GLYAT: variants seen among roughly 807,000 people sequenced by gnomAD.
The protein encoded by GLYAT is glycine N-acyltransferase.
A neutral mutation model predicts 22.8 loss-of-function variants in GLYAT; 25 were observed. That is an observed-to-expected ratio of 1.09 (90% CI 0.80 to 1.53). The LOEUF (loss-of-function observed/expected upper bound fraction) is 1.53, where lower values mean the gene tolerates loss of function less well. GLYAT is among the 40% of genes most tolerant of loss of function. The probability of loss-of-function intolerance (pLI) is 0.00; values close to 1 mark genes in which losing one functional copy is unlikely to be tolerated. For synonymous variants in GLYAT, 140 were observed against 122.7 expected, an observed-to-expected ratio of 1.14 and a Z score of -0.93; for missense variants, 411 against 353.9, an observed-to-expected ratio of 1.16 and a Z score of -1.29.
In GLYAT at chr11:58,712,852, G is replaced by T. The variant is rs748537805; in HGVS notation, c.224C>A (p.Thr75Asn). 1.2e-6 allele frequency: 2 copies of T among 1,606,634 alleles called. No individual in the cohort carries two copies. Among genetic ancestry groups the T allele is most frequent in the South Asian group, 2.2e-5 (2 of 90,944 alleles). The change falls in exon 4 of 6, where the codon ACT becomes AAT. Residue 75 changes from threonine (T) to asparagine (N), a missense_variant. By Grantham distance (65) the Thr-to-Asn change is moderately conservative. Transcript: ENST00000344743. Reference sequence around the variant, plus strand: ...GGGATCTTTGGAGTAGATTTGGTAAGTATTGGTATAGTGATCAAGGTCATC... The same window carrying T: ...GGGATCTTTGGAGTAGATTTGGTAATTATTGGTATAGTGATCAAGGTCATC... ...MTDDLDHYTN[T>N]YQIYSKDPQN...
chr11:58,709,607 C>A lies in GLYAT; in HGVS notation c.*159G>T, dbSNP rs1856583489. On this transcript the variant is annotated 3_prime_UTR_variant, in exon 6 of 6. Transcript: ENST00000344743. ...CTGAGAAACCTGTGAATGCAGGGAC[C>A]ATGGCGATGCTGTTGAACATCACAC... 1 of 701,362 alleles carries A rather than the reference C, an allele frequency of 1.4e-6. No individual in the cohort carries two copies. The highest frequency in any genetic ancestry group is 2.3e-6 in the Non-Finnish European group (1 of 434,860). The allele number at this position is 701,362 out of a possible 1,614,324, so 43.4% of individuals were successfully genotyped here.
chr11:58,719,882 C>T (rs762523482), intron 2 of GLYAT, among the ~76,000 whole-genome samples: 4 of 151,824 alleles, frequency 2.6e-5, no homozygotes, highest in African/African-American at 9.7e-5. Flanking sequence ...ATCATATAAA[C>T]TTTTTAAATA....
At chr11:58,723,588 G>A (rs1856778588) in intron 2 of GLYAT, among the ~76,000 whole-genome samples, 1 of 152,008 alleles carries the variant, frequency 6.6e-6, no homozygotes, top group South Asian at 2.1e-4. Flanking sequence ...ATATAGGAAT[G>A]TCTTCTAAAA....
At chr11:58,731,082 G>C (rs1856866900) in intron 1 of GLYAT, among the ~76,000 whole-genome samples, 1 of 152,132 alleles carries the variant, frequency 6.6e-6, no homozygotes, top group South Asian at 2.1e-4. Flanking sequence ...TACTGTTGTA[G>C]ATTAAATCTT....
At position 58,717,343 on chromosome 11, in the gene GLYAT, AAAC is replaced by A. The variant is rs543472105; in HGVS notation, c.82-1923_82-1921del. Among the ~76,000 whole-genome samples, 467 of 152,192 alleles carry A rather than the reference AAAC, an allele frequency of 3.1e-3. 5 individuals are homozygous for A. The highest frequency in any genetic ancestry group is 0.011 in the African/African-American group (444 of 41,564). ...GAGAAAATAGGGTGAAAGGGAGAAA[AAAC>A]AACAACAAACAAAAGAACAATCCTG... On this transcript the variant is annotated intron_variant, in intron 2 of 5. Coordinates refer to ENST00000344743, the MANE Select transcript of GLYAT (RefSeq NM_201648.3).
chr11:58,730,185 C>A (rs964410854), intron 1 of GLYAT, among the ~76,000 whole-genome samples: 7 of 152,094 alleles, frequency 4.6e-5, no homozygotes, highest in Admixed American at 4.6e-4. Context: ...AAGAAGAAAA[C>A]AACTCTAGGC....
rs148038594 is a variant in GLYAT, at chr11:58,717,152, G to GCC, written c.82-1731_82-1730dup. On this transcript the variant is annotated intron_variant, in intron 2 of 5. Coordinates refer to ENST00000344743, the MANE Select transcript of GLYAT (RefSeq NM_201648.3). The stretch of plus-strand genomic sequence containing the variant: ...GGCCCAAGATATTTTCCTTTTATAT[G>GCC]CCCCCCATCCTTTTTGTAAAATCTT... Among the ~76,000 whole-genome samples the GCC allele has an allele frequency of 2.1e-3, 316 of 151,810 alleles. 11 individuals carry two copies. The East Asian group carries it at 0.036, about 17-fold the overall frequency.
intron 2 of GLYAT, among the ~76,000 whole-genome samples, chr11:58,721,447 A>C (rs1165098947): frequency 6.6e-6 from 1 of 152,052 alleles, no homozygotes; most frequent in African/African-American, 2.4e-5. Context: ...AGGTGAAAAC[A>C]GAATTCAGTC....
intron 2 of GLYAT, among the ~76,000 whole-genome samples, chr11:58,719,426 G>A (rs1856722495): frequency 6.6e-6 from 1 of 151,956 alleles, no homozygotes; most frequent in Non-Finnish European, 1.5e-5. Context: ...AATGCTTCAA[G>A]AGAGCCTTGT....
intron 1 of GLYAT, chr11:58,728,875 A>G (rs961304200): frequency 6.9e-5 from 8 of 116,330 alleles, no homozygotes; most frequent in African/African-American, 2.1e-4. Flanking sequence ...AGAAAGAAAG[A>G]AAGAAAGAAA....
At chr11:58,718,599 C>T (rs142099213) in intron 2 of GLYAT, among the ~76,000 whole-genome samples, 8 of 151,972 alleles carry the variant, frequency 5.3e-5, no homozygotes, top group Non-Finnish European at 1.2e-4. Context: ...AGGACCAACA[C>T]AAGGCAACAA....
At chr11:58,728,374 A>G (rs898557059) in intron 1 of GLYAT, among the ~76,000 whole-genome samples, 18 of 151,922 alleles carry the variant, frequency 1.2e-4, no homozygotes, top group African/African-American at 4.3e-4. Flanking sequence ...GCTTTTTAAA[A>G]AACTTTCACT....
Position 58,709,799 on chromosome 11 carries a change from T to G in GLYAT, c.858A>C (p.Arg286Ser), listed in dbSNP as rs1384298781. 3 of 1,613,288 alleles carry G rather than the reference T, an allele frequency of 1.9e-6. No homozygotes were observed. In the Admixed American group the frequency reaches 5.0e-5, roughly 27 times the overall value. The change falls in exon 6 of 6, where the codon AGA becomes AGC. Residue 286 changes from arginine to serine, a missense_variant. Transcript: ENST00000344743. ...GTACACAGTTCCACTGGTTCCAGCT[T>G]CTGGGAATGGGAACATGTTGCAGTG... is the stretch of plus-strand genomic sequence containing the variant. ...SYTLQHVPIP[R>S]SWNQWNCVPL is the part of the protein sequence containing the mutation.
At chr11:58,723,008 G>T (rs1245768339) in intron 2 of GLYAT, among the ~76,000 whole-genome samples, 1 of 151,874 alleles carries the variant, frequency 6.6e-6, no homozygotes, top group Non-Finnish European at 1.5e-5. Context: ...GAGTCATGAG[G>T]GCCTCCTTAT....
At chr11:58,726,517 G>A (rs577335976) in intron 1 of GLYAT, among the ~76,000 whole-genome samples, 1 of 152,130 alleles carries the variant, frequency 6.6e-6, no homozygotes, top group East Asian at 1.9e-4. Context: ...CAATATACCT[G>A]CCTCTGGTCC....
intron 3 of GLYAT, among the ~76,000 whole-genome samples, chr11:58,713,239 G>T (rs1300305204): frequency 6.6e-5 from 10 of 151,810 alleles, no homozygotes; most frequent in African/African-American, 2.2e-4. Flanking sequence ...TCTAACTGTG[G>T]GTTTGTATGC....
chr11:58,718,766 G>A (rs937086559), intron 2 of GLYAT, among the ~76,000 whole-genome samples: 6 of 151,660 alleles, frequency 4.0e-5, no homozygotes, highest in African/African-American at 1.5e-4. Flanking sequence ...TTCTAAAGAT[G>A]ACCAAAACAA....
intron 1 of GLYAT, among the ~76,000 whole-genome samples, chr11:58,725,022 A>G (rs890310469): frequency 1.3e-5 from 2 of 151,382 alleles, no homozygotes. Flanking sequence ...TACTACCACC[A>G]CTCCTCTTTT....
rs200455663 is a variant in GLYAT, at chr11:58,728,892, A to AAGAAAGAAGGAAGGAG, written c.-16+2942_-16+2943insCTCCTTCCTTCTTTCT. 5.4e-4 allele frequency among the ~76,000 whole-genome samples: 48 copies of AAGAAAGAAGGAAGGAG among 89,192 alleles called. 1 individual carries two copies. The highest frequency in any genetic ancestry group is 2.1e-3 in the African/African-American group (46 of 22,056). The allele number at this position is 89,192 out of a possible 152,430, so 58.5% of individuals were successfully genotyped here. On this transcript the variant is annotated intron_variant, in intron 1 of 5. Coordinates refer to ENST00000344743, the MANE Select transcript of GLYAT (RefSeq NM_201648.3). ...AAAGAAAGAAAGAAAGAAAGAAAGA[A>AAGAAAGAAGGAAGGAG]GGAAGGAAGGAAGGAAGGAAGGAAG... is the stretch of plus-strand genomic sequence containing the variant.
Sources: allele counts gnomAD v4.1 joint callset (sites outside exome capture counted in the v4.1 genomes callset), GRCh38; gene constraint gnomAD v4.1.1; transcripts MANE v1.5; gene names NCBI Gene and HGNC (gene_info 2026-07-23, HGNC 2026-07-21).